The following MACF1 variants were observed in gnomAD, a reference collection of about 807,000 sequenced individuals.
MACF1 encodes microtubule actin crosslinking factor 1.
Under a neutral mutation model 854.8 loss-of-function variants are expected in MACF1, and 193 were observed. The ratio of observed to expected loss-of-function variants is 0.23; its 90% CI spans 0.20 to 0.25. MACF1 has a LOEUF of 0.25. MACF1 is among the 10% of genes least tolerant of loss of function. The pLI is 1.00. For missense variants in MACF1, 7,722 were observed against 8,929.1 expected, an observed-to-expected ratio of 0.86 and a Z score of 5.45; for synonymous variants, 3,185 against 3,226.7, an observed-to-expected ratio of 0.99 and a Z score of 0.44.
chr1:39,404,213 TG>T (rs1642601693), intron 58 of MACF1, among the ~76,000 whole-genome samples: 1 of 151,780 alleles, frequency 6.6e-6, no homozygotes, highest in Non-Finnish European at 1.5e-5. Flanking sequence ...GGTTTTTTTT[TG>T]CTGGGCATGG....
chr1:39,246,800 G>A (rs1271273317), intron 2 of MACF1, among the ~76,000 whole-genome samples: 1 of 152,124 alleles, frequency 6.6e-6, no homozygotes, highest in African/African-American at 2.4e-5. Flanking sequence ...GTGAGAGGGA[G>A]GGGTTTTGAA....
chr1:39,137,534 T>C (rs1266983286), intron 2 of MACF1, among the ~76,000 whole-genome samples: 2 of 152,204 alleles, frequency 1.3e-5, no homozygotes, highest in African/African-American at 4.8e-5. Context: ...CCTGGCTAAT[T>C]TTTAAATTTT....
chr1:39,089,502 C>G (rs1405860173), intron 2 of MACF1, among the ~76,000 whole-genome samples: 1 of 152,178 alleles, frequency 6.6e-6, no homozygotes, highest in African/African-American at 2.4e-5. Context: ...TTTATATTCA[C>G]GTTCATTGTT....
intron 2 of MACF1, among the ~76,000 whole-genome samples, chr1:39,195,877 G>A (rs191005961): frequency 1.4e-4 from 22 of 152,290 alleles, no homozygotes; most frequent in African/African-American, 2.9e-4. Flanking sequence ...GGGTTGGTAA[G>A]TTGGAGACTG....
At chr1:39,267,935 T>C (rs1645252991) in intron 6 of MACF1, among the ~76,000 whole-genome samples, 1 of 152,252 alleles carries the variant, frequency 6.6e-6, no homozygotes, top group African/African-American at 2.4e-5. Context: ...TTCCTTTTCT[T>C]AACTGTAAGA....
At chr1:39,458,668 C>G in intron 90 of MACF1, 178 bp downstream of exon 90, 1 of 738,314 alleles carries the variant, frequency 1.4e-6, no homozygotes, top group Non-Finnish European at 2.1e-6. Context: ...AGCTGTACTC[C>G]ATATTCTTTG....
At position 39,094,182 on chromosome 1, in the gene MACF1, T is replaced by C. The variant is rs1399463709; in HGVS notation, c.220+9744T>C. Among the ~76,000 whole-genome samples, 3 of 152,174 alleles carry C rather than the reference T, an allele frequency of 2.0e-5. No individual in the cohort carries two copies. In the East Asian group the frequency reaches 5.8e-4, roughly 30 times the overall value. On this transcript the variant is annotated intron_variant, in intron 2 of 93. Transcript: ENST00000361689. The stretch of plus-strand genomic sequence containing the variant: ...GGTGCTGGCTGGGTGCAGTGACTCA[T>C]ACCTGTAATCCCAGCATTTTGAGAG...
At chr1:39,085,777 T>G (rs1031521656) in intron 2 of MACF1, among the ~76,000 whole-genome samples, 2 of 152,076 alleles carry the variant, frequency 1.3e-5, no homozygotes, top group Non-Finnish European at 2.9e-5. Flanking sequence ...TAAAGACCCA[T>G]CAAAATTACT....
chr1:39,267,317 C>T (rs1645245178), intron 6 of MACF1, among the ~76,000 whole-genome samples: 1 of 152,100 alleles, frequency 6.6e-6, no homozygotes, highest in African/African-American at 2.4e-5. Context: ...CTGCAACCTC[C>T]ACCTCCCAGT....
intron 6 of MACF1, among the ~76,000 whole-genome samples, chr1:39,273,131 A>ATTT (rs561821846): frequency 1.7e-4 from 20 of 120,448 alleles, no homozygotes; most frequent in African/African-American, 3.5e-4. Context: ...CTCTATACCA[A>ATTT]TTTTTTTTTT....
chr1:39,365,699 G>A (rs1439763728), intron 49 of MACF1, among the ~76,000 whole-genome samples: 2 of 147,582 alleles, frequency 1.4e-5, no homozygotes, highest in Admixed American at 6.8e-5. Flanking sequence ...TTTTTGAGAT[G>A]GGATCTTGTT....
chr1:39,276,775 G>A (rs140615210), intron 6 of MACF1, among the ~76,000 whole-genome samples: 66 of 151,726 alleles, frequency 4.3e-4, no homozygotes, highest in African/African-American at 1.4e-3. Flanking sequence ...GATTTTTTTC[G>A]TCCAGAAATT....
chr1:39,369,850 G>C (rs1649076415), intron 50 of MACF1, among the ~76,000 whole-genome samples, 180 bp from the exon 51 acceptor site: 1 of 152,156 alleles, frequency 6.6e-6, no homozygotes, highest in African/African-American at 2.4e-5. Context: ...ATATATTCCT[G>C]AGTTTGGTAC....
At chr1:39,382,903 C>G (rs1030688817) in intron 56 of MACF1, among the ~76,000 whole-genome samples, 6 of 151,788 alleles carry the variant, frequency 4.0e-5, no homozygotes, top group African/African-American at 1.2e-4. Flanking sequence ...GGTGGATCAC[C>G]TGAGGTCAGG....
At chr1:39,304,634 G>GCTCGA in intron 23 of MACF1, 2 of 529,928 alleles carry the variant, frequency 3.8e-6, no homozygotes, top group Non-Finnish European at 6.8e-6. Flanking sequence ...CACTATTTCA[G>GCTCGA]CTCACTGCAA....
chr1:39,113,129 C>T (rs912237490), intron 2 of MACF1, among the ~76,000 whole-genome samples: 3 of 152,132 alleles, frequency 2.0e-5, no homozygotes, highest in African/African-American at 7.2e-5. Flanking sequence ...CAAATTCTTC[C>T]TACTGGCATT....
chr1:39,485,287 A>T, intron 100 of MACF1: 1 of 480,570 alleles, frequency 2.1e-6, no homozygotes, highest in Non-Finnish European at 3.7e-6. Context: ...GCTTGCCTCC[A>T]CTTTGGGGCC....
chr1:39,185,518 T>G (rs901056950), intron 2 of MACF1, among the ~76,000 whole-genome samples: 3 of 151,970 alleles, frequency 2.0e-5, no homozygotes, highest in African/African-American at 4.8e-5. Flanking sequence ...AAAAAAATTT[T>G]TTTTTTAAAT....
At chr1:39,235,790 G>A (rs994905109) in intron 2 of MACF1, among the ~76,000 whole-genome samples, 30 of 152,120 alleles carry the variant, frequency 2.0e-4, no homozygotes, top group African/African-American at 3.9e-4. Context: ...GCTAGAGTGC[G>A]GTGGTACAAT....
Sources: allele counts gnomAD v4.1 joint callset (sites outside exome capture counted in the v4.1 genomes callset), GRCh38; gene constraint gnomAD v4.1.1; transcripts MANE v1.5; gene names NCBI Gene and HGNC (gene_info 2026-07-23, HGNC 2026-07-21).